The following LOXHD1 variants were observed in gnomAD, a reference collection of about 807,000 sequenced individuals.
LOXHD1 encodes lipoxygenase homology domain-containing protein 1.
Under a neutral mutation model 248.2 loss-of-function variants are expected in LOXHD1, and 205 were observed. That is an observed-to-expected ratio of 0.83 (90% confidence interval 0.74 to 0.93). The LOEUF (loss-of-function observed/expected upper bound fraction) is 0.93, where lower values mean the gene tolerates loss of function less well. Ranked by LOEUF, LOXHD1 falls within the 40% of genes least tolerant of loss-of-function variation. The pLI is 0.00. For synonymous variants in LOXHD1, 1,113 were observed against 1,162.8 expected, an observed-to-expected ratio of 0.96 and a Z score of 0.87; for missense variants, 2,930 against 2,971.6, an observed-to-expected ratio of 0.99 and a Z score of 0.33.
chr18:46,480,973 T>C (rs1490691871), intron 40 of LOXHD1, among the ~76,000 whole-genome samples: 1 of 152,188 alleles, frequency 6.6e-6, no homozygotes, highest in Non-Finnish European at 1.5e-5. Context: ...CCTGAGGCTA[T>C]TAGTGATGAA....
At chr18:46,648,631 T>C (rs1295835114) in intron 2 of LOXHD1, among the ~76,000 whole-genome samples, 2 of 152,182 alleles carry the variant, frequency 1.3e-5, no homozygotes, top group East Asian at 1.9e-4. Context: ...CAACTCTCAC[T>C]AGTTATAATA....
At chr18:46,629,326 T>C (rs1013501032) in intron 4 of LOXHD1, among the ~76,000 whole-genome samples, 1 of 152,228 alleles carries the variant, frequency 6.6e-6, no homozygotes, top group African/African-American at 2.4e-5. Context: ...ATGATTTAAT[T>C]ACTCTACGAT....
At chr18:46,558,983 C>G (rs1270682381) in intron 20 of LOXHD1, 5 of 476,420 alleles carry the variant, frequency 1.0e-5, no homozygotes, top group African/African-American at 9.9e-5. Context: ...AACTGGCCTC[C>G]CCCATTTCCA....
chr18:46,539,269 C>T (rs1184421309), intron 25 of LOXHD1, among the ~76,000 whole-genome samples: 3 of 152,046 alleles, frequency 2.0e-5, no homozygotes, highest in Non-Finnish European at 2.9e-5. Context: ...AAGACCAGCC[C>T]GGCCAACATG....
At position 46,579,731 on chromosome 18, in the gene LOXHD1, C is replaced by T. The variant is rs140437150; in HGVS notation, c.1708G>A (p.Asp570Asn). ...CTGELEGAGT[D>N]ANVYLCLFGD... ...AAAAGGCAGAGATAGACGTTGGCATCGGTCCCAGCACCTTCAAGTTCACCT... is the reference window on the plus strand; with the variant it reads ...AAAAGGCAGAGATAGACGTTGGCATTGGTCCCAGCACCTTCAAGTTCACCT... Residue 570 changes from aspartate to asparagine, a missense_variant, in exon 13 of 41, where the codon GAT becomes AAT. Physicochemically the swap from Asp to Asn is conservative, Grantham distance 23 (BLOSUM62 1). Coordinates refer to ENST00000642948, the MANE Select transcript of LOXHD1 (RefSeq NM_001384474.1). 1,022 of 1,551,798 alleles carry T rather than the reference C, an allele frequency of 6.6e-4. 3 individuals are homozygous for T. The African/African-American group carries it at 0.011, about 17-fold the overall frequency.
intron 37 of LOXHD1, among the ~76,000 whole-genome samples, chr18:46,491,580 G>C (rs1310643306): frequency 6.6e-6 from 1 of 152,240 alleles, no homozygotes; most frequent in Non-Finnish European, 1.5e-5. Flanking sequence ...GCATGCGTGA[G>C]TGTGAGCATG....
At chr18:46,525,284 T>G (rs1384400195) in intron 29 of LOXHD1, among the ~76,000 whole-genome samples, 1 of 152,172 alleles carries the variant, frequency 6.6e-6, no homozygotes, top group Non-Finnish European at 1.5e-5. Flanking sequence ...CCCAGACTCC[T>G]TAGCTATGCT....
intron 14 of LOXHD1, among the ~76,000 whole-genome samples, chr18:46,576,739 G>A (rs1217056719): frequency 6.6e-6 from 1 of 152,166 alleles, no homozygotes; most frequent in African/African-American, 2.4e-5. Context: ...GACCTATGGA[G>A]CCCTCCCAGT....
At position 46,560,111 on chromosome 18, in the gene LOXHD1, C is replaced by G; in HGVS notation, c.3033G>C (p.Leu1011Phe). 6.4e-7 allele frequency: 1 copy of G among 1,550,598 alleles called. No individual in the cohort carries two copies. The highest frequency in any genetic ancestry group is 8.7e-7 in the Non-Finnish European group (1 of 1,146,652). Residue 1011 changes from leucine to phenylalanine, a missense_variant, in exon 19 of 41, where the codon TTG (leucine) becomes TTC (phenylalanine). Transcript: ENST00000642948. Reference protein sequence around the residue: ...GKEDNELVVELVPAGKPGPER... With the variant: ...GKEDNELVVEFVPAGKPGPER... ...CAGGACCCGGCTTGCCAGCTGGCAC[C>G]AACTCCACGACAAGTTCGTTGTCCT... is the stretch of plus-strand genomic sequence containing the variant.
chr18:46,601,573 C>T (rs2038341039), intron 7 of LOXHD1, 106 bp from the exon 8 acceptor site: 1 of 1,434,876 alleles, frequency 7.0e-7, no homozygotes, highest in Non-Finnish European at 9.6e-7. Flanking sequence ...CCCTCCTCCT[C>T]CACACATCCT....
intron 2 of LOXHD1, among the ~76,000 whole-genome samples, chr18:46,648,691 C>G (rs989028631): frequency 1.3e-5 from 2 of 152,196 alleles, no homozygotes; most frequent in Non-Finnish European, 2.9e-5. Context: ...CACAAGCAAT[C>G]CCTGCGGCTA....
At chr18:46,653,356 T>A (rs2039137089) in intron 1 of LOXHD1, among the ~76,000 whole-genome samples, 1 of 152,234 alleles carries the variant, frequency 6.6e-6, no homozygotes, top group South Asian at 2.1e-4. Flanking sequence ...TGGAAATATT[T>A]CATATTCTGA....
At chr18:46,597,542 G>GCACA (rs1491182198) in intron 8 of LOXHD1, among the ~76,000 whole-genome samples, 10,823 of 61,008 alleles carry the variant, frequency 0.18, 388 homozygotes, top group Non-Finnish European at 0.26. Flanking sequence ...AGTGGTACAT[G>GCACA]CGCACACACA....
chr18:46,586,083 A>G (rs1325063685), intron 12 of LOXHD1, among the ~76,000 whole-genome samples: 2 of 152,238 alleles, frequency 1.3e-5, no homozygotes, highest in African/African-American at 4.8e-5. Flanking sequence ...AGAACGGAGT[A>G]CTGATAATGC....
intron 40 of LOXHD1, among the ~76,000 whole-genome samples, chr18:46,480,278 T>C (rs529469963): frequency 2.0e-5 from 3 of 152,264 alleles, no homozygotes; most frequent in African/African-American, 7.2e-5. Context: ...TCTCCTCAGA[T>C]AACCCATGTA....
At position 46,493,268 on chromosome 18, in the gene LOXHD1, A is replaced by G. The variant is rs556521355; in HGVS notation, c.5879-4126T>C. On this transcript the variant is annotated intron_variant, in intron 37 of 40. Transcript: ENST00000642948. ...TCATCACTGAGATGTCAGATCAAAT[A>G]TTCTGTCTTTGAGAAAGACTTTGTT... Among the ~76,000 whole-genome samples, 3 of 152,358 alleles carry G rather than the reference A, an allele frequency of 2.0e-5. No homozygotes were observed. In the South Asian group the frequency reaches 6.2e-4, roughly 32 times the overall value.
At position 46,637,526 on chromosome 18, in the gene LOXHD1, T is replaced by C. The variant is rs186969837; in HGVS notation, c.511+2090A>G. Among the ~76,000 whole-genome samples the C allele has an allele frequency of 2.2e-3, 331 of 152,252 alleles. 1 individual carries two copies. The highest frequency in any genetic ancestry group is 7.6e-3 in the African/African-American group (316 of 41,538). On this transcript the variant is annotated intron_variant, in intron 4 of 40. Transcript: ENST00000642948. ...TAGAGGTTGGATAAAGAATTAAAGA[T>C]GCTTAATGTTTGTGGAAGAACCTAT... is the stretch of plus-strand genomic sequence containing the variant.
chr18:46,488,800 G>T (rs901403326), intron 38 of LOXHD1, among the ~76,000 whole-genome samples, 172 bp downstream of exon 38: 5 of 152,160 alleles, frequency 3.3e-5, no homozygotes, highest in Non-Finnish European at 5.9e-5. Context: ...GCTGGCATCA[G>T]TGTTTCTTAG....
intron 37 of LOXHD1, among the ~76,000 whole-genome samples, chr18:46,491,615 A>G (rs1324162715): frequency 6.6e-6 from 1 of 152,206 alleles, no homozygotes; most frequent in East Asian, 1.9e-4. Flanking sequence ...GGAGGATGGC[A>G]TTACCTGGAG....
Sources: allele counts gnomAD v4.1 joint callset (sites outside exome capture counted in the v4.1 genomes callset), GRCh38; gene constraint gnomAD v4.1.1; transcripts MANE v1.5; gene names NCBI Gene and HGNC (gene_info 2026-07-23, HGNC 2026-07-21).